The following CNTN4 variants were observed in gnomAD, a reference collection of about 807,000 sequenced individuals.
CNTN4 encodes the protein contactin 4.
In CNTN4, 77 loss-of-function variants were observed where a neutral mutation model predicts 122.5. The ratio of observed to expected loss-of-function variants is 0.63; its 90% confidence interval spans 0.52 to 0.76. The LOEUF (loss-of-function observed/expected upper bound fraction) is 0.76, where lower values mean the gene tolerates loss of function less well. Ranked by LOEUF, CNTN4 falls within the 30% of genes least tolerant of loss-of-function variation. The probability of loss-of-function intolerance (pLI) is 0.00; values close to 1 mark genes in which losing one functional copy is unlikely to be tolerated. For missense variants in CNTN4, 1,256 were observed against 1,259.1 expected (o/e 1.00, Z 0.04); for synonymous variants, 512 against 447.0 (o/e 1.15, Z -1.83).
At chr3:2,789,067 G>A (rs547943335) in intron 6 of CNTN4, among the ~76,000 whole-genome samples, 7 of 151,976 alleles carry the variant, frequency 4.6e-5, no homozygotes, top group Non-Finnish European at 8.8e-5. Context: ...TAATCAGGTG[G>A]ATCTTTACCA....
At chr3:2,305,681 A>G (rs1214956848) in intron 2 of CNTN4, among the ~76,000 whole-genome samples, 1 of 152,160 alleles carries the variant, frequency 6.6e-6, no homozygotes, top group East Asian at 1.9e-4. Context: ...AAAGTACGCA[A>G]GTCAGTGGTT....
intron 2 of CNTN4, among the ~76,000 whole-genome samples, chr3:2,287,876 C>A (rs1008195006): frequency 6.6e-6 from 1 of 152,086 alleles, no homozygotes; most frequent in African/African-American, 2.4e-5. Flanking sequence ...TCTATTGTTG[C>A]TTGTATTACA....
At chr3:2,844,207 A>T (rs1030510119) in intron 7 of CNTN4, among the ~76,000 whole-genome samples, 1 of 152,174 alleles carries the variant, frequency 6.6e-6, no homozygotes, top group Non-Finnish European at 1.5e-5. Context: ...ATATTTTTCA[A>T]ATAGTACTCA....
intron 4 of CNTN4, among the ~76,000 whole-genome samples, chr3:2,703,834 T>A (rs909990687): frequency 1.3e-5 from 2 of 151,188 alleles, no homozygotes; most frequent in African/African-American, 4.9e-5. Context: ...CCAAAAAAAA[T>A]GAAAATAAAA....
chr3:2,224,050 A>G (rs2039167574), intron 2 of CNTN4, among the ~76,000 whole-genome samples: 1 of 152,182 alleles, frequency 6.6e-6, no homozygotes, highest in African/African-American at 2.4e-5. Context: ...AGGTAATAAA[A>G]GTTGTCTGGA....
At chr3:2,710,673 C>A (rs192788513) in intron 4 of CNTN4, among the ~76,000 whole-genome samples, 156 of 152,248 alleles carry the variant, frequency 1.0e-3, no homozygotes, top group African/African-American at 3.6e-3. Context: ...GGACTTGTCA[C>A]AAATTAATTA....
intron 3 of CNTN4, among the ~76,000 whole-genome samples, chr3:2,463,943 T>C (rs1453802936): frequency 6.6e-6 from 1 of 152,136 alleles, no homozygotes; most frequent in Admixed American, 6.5e-5. Context: ...ACAAGTGTGT[T>C]AGGCTTCATT....
At chr3:2,888,941 C>A (rs1463710875) in intron 10 of CNTN4, among the ~76,000 whole-genome samples, 4 of 151,776 alleles carry the variant, frequency 2.6e-5, no homozygotes, top group Non-Finnish European at 5.9e-5. Flanking sequence ...CCAAGGGAGG[C>A]TACGCTTCCT....
At chr3:2,467,111 T>G (rs1194934187) in intron 3 of CNTN4, among the ~76,000 whole-genome samples, 1 of 151,016 alleles carries the variant, frequency 6.6e-6, no homozygotes, top group Non-Finnish European at 1.5e-5. Context: ...TTTTTCCCAT[T>G]GGATGATATG....
At chr3:2,507,904 A>G (rs1467710932) in intron 3 of CNTN4, among the ~76,000 whole-genome samples, 2 of 151,800 alleles carry the variant, frequency 1.3e-5, no homozygotes, top group East Asian at 1.9e-4. Flanking sequence ...CACCCCCTCA[A>G]ATTTTTTGCT....
At chr3:2,159,094 T>C (rs1156833195) in intron 2 of CNTN4, among the ~76,000 whole-genome samples, 3 of 152,118 alleles carry the variant, frequency 2.0e-5, no homozygotes, top group Non-Finnish European at 4.4e-5. Flanking sequence ...AGCAGGCCTA[T>C]AACTTCTTCC....
intron 4 of CNTN4, among the ~76,000 whole-genome samples, chr3:2,718,824 T>C (rs1317069120): frequency 1.3e-5 from 2 of 152,206 alleles, no homozygotes; most frequent in Non-Finnish European, 2.9e-5. Flanking sequence ...AACATTTTAC[T>C]TTTTGTTTTT....
chr3:2,975,978 T>G (rs1693379449), intron 13 of CNTN4, among the ~76,000 whole-genome samples: 1 of 152,170 alleles, frequency 6.6e-6, no homozygotes, highest in Non-Finnish European at 1.5e-5. Context: ...AGTGGAAACA[T>G]GGAGATCTTG....
intron 4 of CNTN4, among the ~76,000 whole-genome samples, chr3:2,593,077 G>C (rs2080578250): frequency 6.6e-6 from 1 of 152,150 alleles, no homozygotes; most frequent in Non-Finnish European, 1.5e-5. Context: ...AGCTCTCCCT[G>C]AACTCACATG....
chr3:2,114,945 G>A (rs1269805736), intron 2 of CNTN4, among the ~76,000 whole-genome samples: 3 of 152,188 alleles, frequency 2.0e-5, no homozygotes, highest in Non-Finnish European at 4.4e-5. Flanking sequence ...ATTTCAAGTA[G>A]TAGCCATTGA....
At chr3:2,571,607 C>T in intron 4 of CNTN4, 49 bp downstream of exon 4, 1 of 1,353,908 alleles carries the variant, frequency 7.4e-7, no homozygotes, top group Non-Finnish European at 1.1e-6. Context: ...CACTGTATTT[C>T]ACACTAATTC....
At chr3:2,171,906 T>C (rs895105396) in intron 2 of CNTN4, among the ~76,000 whole-genome samples, 4 of 152,208 alleles carry the variant, frequency 2.6e-5, no homozygotes, top group African/African-American at 9.6e-5. Flanking sequence ...CATTGGTCCT[T>C]GGAACAGGAG....
chr3:2,412,116 T>A (rs975792966), intron 3 of CNTN4, among the ~76,000 whole-genome samples: 1 of 152,236 alleles, frequency 6.6e-6, no homozygotes, highest in African/African-American at 2.4e-5. Context: ...CAACATACTA[T>A]TTTTTGAGAT....
chr3:2,309,935 T>C lies in CNTN4; in HGVS notation c.-144-29243T>C, dbSNP rs555450920. ...ACATAAATATTTCCTATCTGTAAAATAGTGGGAAATAGAAATAGTAAAAGC... is the reference window on the plus strand; with the variant it reads ...ACATAAATATTTCCTATCTGTAAAACAGTGGGAAATAGAAATAGTAAAAGC... On this transcript the variant is annotated intron_variant, in intron 2 of 24. Transcript: ENST00000418658. 3.9e-5 allele frequency among the ~76,000 whole-genome samples: 6 copies of C among 152,308 alleles called. No individual in the cohort carries two copies. In the South Asian group the frequency reaches 1.2e-3, roughly 32 times the overall value.
Sources: gnomAD v4.1 joint callset for allele counts (sites outside exome capture counted in the v4.1 genomes callset) on GRCh38, gnomAD v4.1.1 for gene constraint, MANE v1.5 for transcripts, NCBI Gene and HGNC (gene_info 2026-07-23, HGNC 2026-07-21) for gene names.